IQSEC1: variants seen among roughly 807,000 people sequenced by gnomAD.
IQSEC1 encodes the protein IQ motif and Sec7 domain ArfGEF 1, also known as IQ motif and SEC7 domain-containing protein 1.
Under a neutral mutation model 91.0 loss-of-function variants are expected in IQSEC1, and 31 were observed. That is an observed-to-expected ratio of 0.34 (90% CI 0.26 to 0.46). The LOEUF is 0.46. IQSEC1 is among the 20% of genes least tolerant of loss of function. The probability of loss-of-function intolerance (pLI) is 1.00; values close to 1 mark genes in which losing one functional copy is unlikely to be tolerated. For missense variants in IQSEC1, 1,388 were observed against 1,575.6 expected, an observed-to-expected ratio of 0.88 and a Z score of 2.02; for synonymous variants, 699 against 662.6, an observed-to-expected ratio of 1.05 and a Z score of -0.84.
At chr3:13,192,107 G>A (rs1168752504) in intron 1 of IQSEC1, among the ~76,000 whole-genome samples, 2 of 152,062 alleles carry the variant, frequency 1.3e-5, no homozygotes, top group Admixed American at 6.6e-5. Context: ...AGGCCGAGGC[G>A]GGCGGATCAC....
At chr3:12,941,520 C>A in intron 2 of IQSEC1, 51 bp downstream of exon 2, 1 of 1,468,704 alleles carries the variant, frequency 6.8e-7, no homozygotes, top group Non-Finnish European at 9.1e-7. Context: ...ACATGGTGGG[C>A]AGAGCTGCCC....
At chr3:13,242,249 G>A (rs55676903) in intron 1 of IQSEC1, among the ~76,000 whole-genome samples, 15,827 of 152,156 alleles carry the variant, frequency 0.1, 1,647 homozygotes, top group African/African-American at 0.27. Context: ...GCTGTGATGC[G>A]GGTGAGCTGC....
At chr3:13,034,261 G>A (rs908668948) in intron 1 of IQSEC1, among the ~76,000 whole-genome samples, 5 of 152,158 alleles carry the variant, frequency 3.3e-5, no homozygotes, top group African/African-American at 7.2e-5. Flanking sequence ...TTCCCCCTCC[G>A]GAAGGAAGGA....
chr3:13,142,732 A>G (rs1408274693), intron 2 of IQSEC1, among the ~76,000 whole-genome samples: 1 of 152,220 alleles, frequency 6.6e-6, no homozygotes, highest in Non-Finnish European at 1.5e-5. Context: ...TCCAGTGTCC[A>G]TTGTTATTGC....
chr3:13,124,730 AAG>A (rs1401445127), intron 2 of IQSEC1, among the ~76,000 whole-genome samples: 2 of 151,938 alleles, frequency 1.3e-5, no homozygotes, highest in African/African-American at 4.8e-5. Context: ...CATCAGACCC[AAG>A]ACCAGCGATG....
rs781728725 is a variant in IQSEC1 at position 12,897,503 on chromosome 3, T to C, written c.*3480A>G. The C allele has an allele frequency of 2.0e-5, 3 of 152,212 alleles. No homozygotes were observed. The highest frequency in any genetic ancestry group is 7.2e-5 in the African/African-American group (3 of 41,448). The allele number at this position is 152,212 out of a possible 1,614,324, so 9.4% of individuals were successfully genotyped here. ...ATGCTGTGTGCAGTCTCGATGTGAC[T>C]GCACACAGAAGGGCGATGCAGATGC... On this transcript the variant is annotated 3_prime_UTR_variant, in exon 14 of 14. Coordinates refer to ENST00000613206, the MANE Select transcript of IQSEC1 (RefSeq NM_001134382.3).
intron 1 of IQSEC1, among the ~76,000 whole-genome samples, chr3:13,186,979 T>C (rs1288690749): frequency 1.3e-5 from 2 of 151,818 alleles, no homozygotes; most frequent in Non-Finnish European, 2.9e-5. Flanking sequence ...CTTCCCTCCC[T>C]CCTTCCTTCC....
chr3:12,908,542 G>T lies in IQSEC1; in HGVS notation c.2579-17C>A. 6.2e-7 allele frequency: 1 copy of T among 1,613,360 alleles called. No individual in the cohort carries two copies. Among genetic ancestry groups the T allele is most frequent in the South Asian group, 1.1e-5 (1 of 91,062 alleles). ...CGAGCTCCGCTGGAACAGAGAGGGT[G>T]AGGGTCCTGGTGAGAGGAGCACAGC... is the stretch of plus-strand genomic sequence containing the variant. On this transcript the variant is annotated splice_polypyrimidine_tract_variant and intron_variant, in intron 11 of 13. Coordinates refer to ENST00000613206, the MANE Select transcript of IQSEC1 (RefSeq NM_001134382.3). The surrounding 1 kb of genome is among the most constrained non-coding windows in gnomAD (Gnocchi z 4.9).
chr3:13,138,997 G>A (rs150393262), intron 2 of IQSEC1, among the ~76,000 whole-genome samples: 5 of 152,022 alleles, frequency 3.3e-5, no homozygotes, highest in South Asian at 2.1e-4. Flanking sequence ...CCACAGTTCC[G>A]GGAGCCCTCA....
intron 2 of IQSEC1, among the ~76,000 whole-genome samples, chr3:13,147,502 C>A (rs745969768): frequency 6.6e-6 from 1 of 152,176 alleles, no homozygotes; most frequent in Non-Finnish European, 1.5e-5. Flanking sequence ...TTATGTCATT[C>A]CTTTTTATGG....
intron 1 of IQSEC1, among the ~76,000 whole-genome samples, chr3:13,206,932 C>T (rs2125057555): frequency 6.6e-6 from 1 of 152,188 alleles, no homozygotes; most frequent in Admixed American, 6.5e-5. Context: ...AGAAGGTGGG[C>T]CCCGAAGCAG....
At chr3:13,155,726 T>C (rs1488499326) in intron 2 of IQSEC1, among the ~76,000 whole-genome samples, 1 of 152,058 alleles carries the variant, frequency 6.6e-6, no homozygotes, top group East Asian at 1.9e-4. Context: ...TCAGCAAATA[T>C]CAGCAACAAA....
At chr3:13,226,037 C>T (rs1251363305) in intron 1 of IQSEC1, among the ~76,000 whole-genome samples, 5 of 152,158 alleles carry the variant, frequency 3.3e-5, no homozygotes, top group East Asian at 3.9e-4. Context: ...CCCACCACCA[C>T]GCCTGGCTAA....
intron 1 of IQSEC1, among the ~76,000 whole-genome samples, chr3:13,263,518 C>A (rs866353835): frequency 6.6e-6 from 1 of 151,414 alleles, no homozygotes; most frequent in Middle Eastern, 3.4e-3. Flanking sequence ...TCTCCACTCA[C>A]TGCAACCTCC....
At chr3:12,973,131 C>G (rs1356664094) in intron 1 of IQSEC1, among the ~76,000 whole-genome samples, 1 of 152,194 alleles carries the variant, frequency 6.6e-6, no homozygotes, top group Non-Finnish European at 1.5e-5. Context: ...TCCACCCTGA[C>G]CTAGGCTTCT....
chr3:12,989,387 A>G (rs1701888128), intron 1 of IQSEC1, among the ~76,000 whole-genome samples: 1 of 152,242 alleles, frequency 6.6e-6, no homozygotes, highest in South Asian at 2.1e-4. Context: ...GAGAAAACAG[A>G]AAAACAACTG....
chr3:13,257,265 C>T (rs929852647), intron 1 of IQSEC1, among the ~76,000 whole-genome samples: 2 of 152,162 alleles, frequency 1.3e-5, no homozygotes, highest in Admixed American at 1.3e-4. Flanking sequence ...CACATGTAAG[C>T]TGCCCCTGAG....
intron 1 of IQSEC1, among the ~76,000 whole-genome samples, chr3:13,035,907 G>A (rs923573192): frequency 2.6e-5 from 4 of 152,330 alleles, no homozygotes; most frequent in South Asian, 2.1e-4. Context: ...TTTTGAGGAC[G>A]CCCAGGCCAC....
intron 1 of IQSEC1, among the ~76,000 whole-genome samples, chr3:13,194,586 G>T (rs1694093858): frequency 6.6e-6 from 1 of 152,156 alleles, no homozygotes; most frequent in Non-Finnish European, 1.5e-5. Context: ...CAAGCATGTA[G>T]TTAACATGTA....
Sources: gnomAD v4.1 joint callset for allele counts (sites outside exome capture counted in the v4.1 genomes callset) on GRCh38, gnomAD v4.1.1 for gene constraint, Gnocchi (gnomAD v3.1) non-coding constraint, MANE v1.5 for transcripts, NCBI Gene and HGNC (gene_info 2026-07-23, HGNC 2026-07-21) for gene names.